Variants in ENTREP2 observed in about 807,000 individuals in gnomAD.
ENTREP2 encodes endosomal transmembrane epsin interactor 2, also known as protein ENTREP2.
At chr15:29,119,924 A>AAATC in the ENTREP2 span, among the ~76,000 whole-genome samples, 1 of 152,124 alleles carries the variant, frequency 6.6e-6, no homozygotes, top group Non-Finnish European at 1.5e-5. Flanking sequence ...GACTCCCACC[A>AAATC]AATCATACAC....
chr15:29,506,893 T>G, the ENTREP2 span, among the ~76,000 whole-genome samples: 2 of 152,110 alleles, frequency 1.3e-5, no homozygotes. Context: ...AGGATCAAAT[T>G]CCCACATAAT....
the ENTREP2 span, among the ~76,000 whole-genome samples, chr15:29,577,604 T>C: frequency 6.6e-6 from 1 of 152,270 alleles, no homozygotes; most frequent in Non-Finnish European, 1.5e-5. Flanking sequence ...TCCACCTGTC[T>C]TGGCCTCCTG....
At chr15:29,523,125 G>A in the ENTREP2 span, among the ~76,000 whole-genome samples, 2 of 152,210 alleles carry the variant, frequency 1.3e-5, no homozygotes, top group African/African-American at 2.4e-5. Flanking sequence ...AGGAAGGGAA[G>A]ACGAAGGTAG....
chr15:29,405,853 G>A, the ENTREP2 span, among the ~76,000 whole-genome samples: 1 of 152,250 alleles, frequency 6.6e-6, no homozygotes, highest in Non-Finnish European at 1.5e-5. Context: ...CAGCTTCACA[G>A]CCCCACGGAG....
chr15:29,146,547 G>T, the ENTREP2 span, among the ~76,000 whole-genome samples: 1 of 152,130 alleles, frequency 6.6e-6, no homozygotes, highest in Non-Finnish European at 1.5e-5. Context: ...CATTCAACGG[G>T]GAAAGATTCA....
the ENTREP2 span, among the ~76,000 whole-genome samples, chr15:29,423,583 C>T: frequency 1.4e-4 from 21 of 150,032 alleles, no homozygotes; most frequent in African/African-American, 5.2e-4. Context: ...GTCAGGAGAT[C>T]GAGACCATCC....
At chr15:29,279,467 T>C in the ENTREP2 span, among the ~76,000 whole-genome samples, 5 of 151,790 alleles carry the variant, frequency 3.3e-5, no homozygotes, top group African/African-American at 1.2e-4. Context: ...CGGGTTCAAG[T>C]GATTCTCCTG....
the ENTREP2 span, among the ~76,000 whole-genome samples, chr15:29,242,758 G>C: frequency 6.6e-6 from 1 of 152,188 alleles, no homozygotes; most frequent in African/African-American, 2.4e-5. Context: ...AGGGCTTGGA[G>C]AAAAAGAGAC....
At chr15:29,572,291 C>CT in the ENTREP2 span, among the ~76,000 whole-genome samples, 1 of 152,220 alleles carries the variant, frequency 6.6e-6, no homozygotes, top group Non-Finnish European at 1.5e-5. Context: ...CAGTTCTTAT[C>CT]TTTAACAGGA....
the ENTREP2 span, among the ~76,000 whole-genome samples, chr15:29,199,529 G>C: frequency 6.6e-6 from 1 of 152,186 alleles, no homozygotes; most frequent in African/African-American, 2.4e-5. Flanking sequence ...ACTGTATTCA[G>C]AGGAGATTTT....
At chr15:29,128,690 A>G in the ENTREP2 span, 1 of 938,890 alleles carries the variant, frequency 1.1e-6, no homozygotes, top group Admixed American at 2.0e-5. Flanking sequence ...AGGAGGAGGA[A>G]AAAGAGAAGA....
the ENTREP2 span, among the ~76,000 whole-genome samples, chr15:29,288,298 A>C: frequency 7.2e-5 from 11 of 152,168 alleles, no homozygotes; most frequent in Non-Finnish European, 1.0e-4. Flanking sequence ...CATGTGCCAC[A>C]CAATGCTGTT....
the ENTREP2 span, chr15:29,267,759 CA>C: frequency 6.6e-6 from 1 of 152,066 alleles, no homozygotes; most frequent in African/African-American, 2.4e-5. Context: ...AGCTCCAGAC[CA>C]AGGAGAATAA....
chr15:29,624,910 T>TGTGTGTGTG, the ENTREP2 span, among the ~76,000 whole-genome samples: 1 of 150,210 alleles, frequency 6.7e-6, no homozygotes, highest in African/African-American at 2.5e-5. Flanking sequence ...TGTGTGTGTA[T>TGTGTGTGTG]AGTTTTATGC....
At chr15:29,477,011 T>C in the ENTREP2 span, among the ~76,000 whole-genome samples, 1 of 152,142 alleles carries the variant, frequency 6.6e-6, no homozygotes, top group African/African-American at 2.4e-5. Flanking sequence ...AACTGGAAAC[T>C]ACCCTAGTGC....
chr15:29,674,142 G>GGC, the ENTREP2 span, among the ~76,000 whole-genome samples: 1 of 135,728 alleles, frequency 7.4e-6, no homozygotes, highest in Non-Finnish European at 1.7e-5. Context: ...GGGGGGGGGG[G>GGC]GCTTTGCCAG....
the ENTREP2 span, chr15:29,234,587 T>C: frequency 1.3e-6 from 2 of 1,489,548 alleles, no homozygotes; most frequent in Admixed American, 1.7e-5. Context: ...TAAAATATCA[T>C]CTTCACAATC....
the ENTREP2 span, among the ~76,000 whole-genome samples, chr15:29,346,282 T>TGA: frequency 6.6e-6 from 1 of 152,192 alleles, no homozygotes; most frequent in Non-Finnish European, 1.5e-5. Flanking sequence ...GGACATGCTC[T>TGA]GAGAGAGAGG....
the ENTREP2 span, among the ~76,000 whole-genome samples, chr15:29,167,814 T>C: frequency 3.9e-5 from 6 of 152,208 alleles, no homozygotes; most frequent in Admixed American, 6.5e-5. Flanking sequence ...ATCCCACTAC[T>C]GGGTATCTAC....
Sources: gnomAD v4.1 joint callset for allele counts (sites outside exome capture counted in the v4.1 genomes callset) on GRCh38, gnomAD v4.1.1 for gene constraint, MANE v1.5 for transcripts, NCBI Gene and HGNC (gene_info 2026-07-23, HGNC 2026-07-21) for gene names.